The following MYRIP variants were observed in gnomAD, a reference collection of about 807,000 sequenced individuals.
The protein encoded by MYRIP is rab effector MyRIP.
MYRIP carries 49 observed loss-of-function variants against 98.0 expected under a neutral mutation model. The observed-to-expected ratio is 0.50, with a 90% CI of 0.40 to 0.63. The LOEUF is 0.63. MYRIP is among the 30% of genes least tolerant of loss of function. The pLI is 0.00. For synonymous variants in MYRIP, 404 were observed against 409.5 expected (o/e 0.99, Z 0.16); for missense variants, 1,004 against 1,058.2 (o/e 0.95, Z 0.71).
intron 2 of MYRIP, among the ~76,000 whole-genome samples, chr3:39,980,821 G>GTT (rs1559546834): frequency 9.9e-5 from 15 of 152,108 alleles, no homozygotes; most frequent in Admixed American, 6.6e-5. Context: ...ATATCTATAA[G>GTT]TGCCTAGAGT....
intron 1 of MYRIP, among the ~76,000 whole-genome samples, chr3:39,871,896 G>A (rs1942800075): frequency 6.6e-6 from 1 of 151,880 alleles, no homozygotes; most frequent in African/African-American, 2.4e-5. Context: ...CATTATATGT[G>A]TATGCTATAA....
At chr3:39,939,698 G>A (rs1944738185) in intron 2 of MYRIP, among the ~76,000 whole-genome samples, 1 of 151,924 alleles carries the variant, frequency 6.6e-6, no homozygotes, top group Admixed American at 6.6e-5. Flanking sequence ...CCTATATCTA[G>A]GAAAATAACT....
At chr3:39,872,237 C>T (rs1942814005) in intron 1 of MYRIP, among the ~76,000 whole-genome samples, 2 of 151,966 alleles carry the variant, frequency 1.3e-5, no homozygotes, top group African/African-American at 4.8e-5. Flanking sequence ...TTCCAACAGT[C>T]TCTATACGCT....
intron 3 of MYRIP, among the ~76,000 whole-genome samples, chr3:40,083,261 CTTCA>C (rs1334211914): frequency 6.6e-6 from 1 of 152,120 alleles, no homozygotes; most frequent in African/African-American, 2.4e-5. Context: ...GTGAGTGGGT[CTTCA>C]TTCAGACAGT....
At chr3:39,886,777 C>G (rs1186212255) in intron 1 of MYRIP, among the ~76,000 whole-genome samples, 1 of 151,658 alleles carries the variant, frequency 6.6e-6, no homozygotes, top group South Asian at 2.1e-4. Context: ...TTAGACAGAT[C>G]AACGAGACAG....
intron 2 of MYRIP, 110 bp from the exon 3 acceptor site, chr3:40,043,940 C>A (rs1947606293): frequency 2.2e-6 from 2 of 907,768 alleles, no homozygotes; most frequent in Non-Finnish European, 3.4e-6. Flanking sequence ...GAAGGTCCTA[C>A]ATGGTAGCTT....
intron 2 of MYRIP, among the ~76,000 whole-genome samples, chr3:39,964,400 C>T (rs1945393833): frequency 6.6e-6 from 1 of 152,158 alleles, no homozygotes; most frequent in East Asian, 1.9e-4. Context: ...CAGCATAGGG[C>T]TCCTCACAAT....
At chr3:39,873,439 C>T (rs1942870999) in intron 1 of MYRIP, among the ~76,000 whole-genome samples, 1 of 152,118 alleles carries the variant, frequency 6.6e-6, no homozygotes, top group Admixed American at 6.6e-5. Flanking sequence ...ATGGTAATGC[C>T]TAGGTTTTCT....
chr3:39,884,443 C>T (rs1045871845), intron 1 of MYRIP, among the ~76,000 whole-genome samples: 1 of 152,084 alleles, frequency 6.6e-6, no homozygotes, highest in African/African-American at 2.4e-5. Flanking sequence ...AGAAGATTAA[C>T]ATTTAATGGT....
At chr3:39,989,183 C>G (rs1192274468) in intron 2 of MYRIP, among the ~76,000 whole-genome samples, 2 of 151,978 alleles carry the variant, frequency 1.3e-5, no homozygotes, top group Non-Finnish European at 2.9e-5. Flanking sequence ...GGCTGCTGAC[C>G]TTTGGGTGGG....
At chr3:40,005,787 A>G (rs1305357875) in intron 2 of MYRIP, among the ~76,000 whole-genome samples, 5 of 152,198 alleles carry the variant, frequency 3.3e-5, no homozygotes, top group Admixed American at 3.3e-4. Flanking sequence ...AATACTTTGC[A>G]AATCTCCTTT....
chr3:40,003,796 A>G (rs1458254879), intron 2 of MYRIP, among the ~76,000 whole-genome samples: 1 of 152,174 alleles, frequency 6.6e-6, no homozygotes, highest in Non-Finnish European at 1.5e-5. Flanking sequence ...AGCTTATACT[A>G]TCACCTCTGG....
chr3:40,044,209 G>T lies in MYRIP; in HGVS notation c.270G>T (p.Lys90Asn), dbSNP rs1393524018. The T allele has an allele frequency of 6.2e-7, 1 of 1,614,188 alleles. No homozygotes were observed. The highest frequency in any genetic ancestry group is 1.7e-5 in the Admixed American group (1 of 60,026). Residue 90 changes from lysine to asparagine, a missense_variant, in exon 3 of 17, where the codon AAG (lysine) becomes AAT (asparagine). Lys to Asn is a moderately conservative substitution (Grantham distance 94, BLOSUM62 0). This residue lies in a region of MYRIP where 880 missense variants were observed against 907.7 expected (regional missense o/e 0.97). Coordinates refer to ENST00000302541, the MANE Select transcript of MYRIP (RefSeq NM_015460.4). Reference sequence around the variant, plus strand: ...GAGATTGCAAATTCAATGTCTGCAAGAGCTGCTGCTCCTACCAGAAGCACG... The same window carrying T: ...GAGATTGCAAATTCAATGTCTGCAATAGCTGCTGCTCCTACCAGAAGCACG... ...QCGDCKFNVC[K>N]SCCSYQKHEK...
At chr3:40,156,880 T>C (rs1950254996) in intron 4 of MYRIP, among the ~76,000 whole-genome samples, 1 of 151,554 alleles carries the variant, frequency 6.6e-6, no homozygotes, top group African/African-American at 2.4e-5. Context: ...CTTATCAGCT[T>C]AAGGAGATTT....
intron 1 of MYRIP, among the ~76,000 whole-genome samples, chr3:39,816,967 G>T (rs1940938452): frequency 6.6e-6 from 1 of 152,032 alleles, no homozygotes; most frequent in South Asian, 2.1e-4. Flanking sequence ...TTAATGAATT[G>T]CCCACTTATA....
At chr3:39,889,742 G>A (rs116470808) in intron 1 of MYRIP, among the ~76,000 whole-genome samples, 3,168 of 151,858 alleles carry the variant, frequency 0.021, 48 homozygotes, top group Middle Eastern at 0.044. Flanking sequence ...TTTATTATGC[G>A]GACATTTAAA....
Position 39,895,361 on chromosome 3 carries a change from A to G in MYRIP, c.-30-5426A>G, listed in dbSNP as rs1575355066. On this transcript the variant is annotated intron_variant, in intron 1 of 16. Coordinates refer to ENST00000302541, the MANE Select transcript of MYRIP (RefSeq NM_015460.4). ...GCCACCACGCTCGGCTAATTTTTGT[A>G]TTTTTATTAGAGACGGGGTTTCACC... Among the ~76,000 whole-genome samples, 5 of 151,656 alleles carry G rather than the reference A, an allele frequency of 3.3e-5. No individual in the cohort carries two copies. The South Asian group carries it at 1.0e-3, about 32-fold the overall frequency.
intron 2 of MYRIP, among the ~76,000 whole-genome samples, chr3:39,910,610 TA>T (rs1316592856): frequency 6.6e-6 from 1 of 152,234 alleles, no homozygotes; most frequent in Non-Finnish European, 1.5e-5. Context: ...AGATCAAGTA[TA>T]AAAAATGTAA....
chr3:40,136,165 C>T (rs1188129519), intron 3 of MYRIP, among the ~76,000 whole-genome samples: 2 of 152,048 alleles, frequency 1.3e-5, no homozygotes, highest in African/African-American at 2.4e-5. Flanking sequence ...CAAACATAGG[C>T]TCAAAATAAA....
Sources: gnomAD v4.1 joint callset for allele counts (sites outside exome capture counted in the v4.1 genomes callset) on GRCh38, gnomAD v4.1.1 for gene constraint, gnomAD v4.1.1 regional missense constraint, MANE v1.5 for transcripts, NCBI Gene and HGNC (gene_info 2026-07-23, HGNC 2026-07-21) for gene names.